PUM3: variants seen among roughly 807,000 people sequenced by gnomAD.
PUM3 encodes the protein pumilio homolog 3.
Under a neutral mutation model 84.0 loss-of-function variants are expected in PUM3, and 91 were observed. The observed-to-expected ratio is 1.08, with a 90% CI of 0.91 to 1.29. PUM3 has a LOEUF of 1.29. PUM3 is among the 50% of genes most tolerant of loss of function. The pLI, the probability that PUM3 is intolerant of heterozygous loss-of-function variation, is 0.00. For synonymous variants in PUM3, 321 were observed against 266.7 expected, an observed-to-expected ratio of 1.20 and a Z score of -1.98; for missense variants, 1,067 against 767.5, an observed-to-expected ratio of 1.39 and a Z score of -4.61.
chr9:2,830,070 G>T, intron 7 of PUM3, 122 bp from the exon 8 acceptor site: 1 of 765,858 alleles, frequency 1.3e-6, no homozygotes, highest in Non-Finnish European at 2.1e-6. Flanking sequence ...GAGTAAATGA[G>T]CTAGCATGCA....
chr9:2,828,491 A>G (rs2129854806), intron 9 of PUM3, 184 bp downstream of exon 9: 1 of 550,462 alleles, frequency 1.8e-6, no homozygotes, highest in Non-Finnish European at 3.2e-6. Flanking sequence ...ATAGGGTACA[A>G]TATCAGAAAA....
intron 13 of PUM3, among the ~76,000 whole-genome samples, chr9:2,813,212 A>C (rs1213587497): frequency 6.6e-6 from 1 of 152,228 alleles, no homozygotes; most frequent in Non-Finnish European, 1.5e-5. Flanking sequence ...GGACAAAAGC[A>C]ACGTCATCCC....
intron 13 of PUM3, among the ~76,000 whole-genome samples, chr9:2,819,608 T>G (rs540913147): frequency 1.3e-5 from 2 of 152,296 alleles, no homozygotes; most frequent in African/African-American, 4.8e-5. Context: ...GGGAGAGAGA[T>G]AATTTAATAG....
chr9:2,838,065 CA>C (rs1308882298), intron 2 of PUM3, among the ~76,000 whole-genome samples: 2 of 152,118 alleles, frequency 1.3e-5, no homozygotes, highest in African/African-American at 4.8e-5. Flanking sequence ...ATAATAAAGA[CA>C]TCACCATTAT....
chr9:2,807,783 C>T (rs1164220253), intron 17 of PUM3, 31 bp downstream of exon 17: 1 of 1,415,910 alleles, frequency 7.1e-7, no homozygotes, highest in East Asian at 2.3e-5. Context: ...TGACCAGGCC[C>T]TGCTCAGAGA....
intron 1 of PUM3, among the ~76,000 whole-genome samples, chr9:2,839,480 A>G (rs1816213040): frequency 6.6e-6 from 1 of 152,246 alleles, no homozygotes. Context: ...AGCCCGTAAG[A>G]AAAGGCTTTT....
chr9:2,828,592 T>C (rs1348636214), intron 9 of PUM3, 83 bp downstream of exon 9: 3 of 805,936 alleles, frequency 3.7e-6, no homozygotes, highest in African/African-American at 1.7e-5. Context: ...AGGAAATAGC[T>C]ACCTCTTCTG....
Position 2,812,156 on chromosome 9 carries a change from G to C in PUM3, c.1412+64C>G, listed in dbSNP as rs1444472071. The C allele has an allele frequency of 7.8e-6, 11 of 1,404,814 alleles. No individual in the cohort carries two copies. In the East Asian group the frequency reaches 1.6e-4, roughly 20 times the overall value. The allele number at this position is 1,404,814 out of a possible 1,614,324, so 87.0% of individuals were successfully genotyped here. On this transcript the variant is annotated intron_variant, in intron 14 of 17. Coordinates refer to ENST00000397885, the MANE Select transcript of PUM3 (RefSeq NM_014878.5). Reference sequence around the variant, plus strand: ...GTATGGATGGGTAAGTGGACTTCTGGAAGAATGCACTACTCAACATTAACA... The same window carrying C: ...GTATGGATGGGTAAGTGGACTTCTGCAAGAATGCACTACTCAACATTAACA...
At chr9:2,817,442 G>C (rs1430868308) in intron 13 of PUM3, among the ~76,000 whole-genome samples, 1 of 152,014 alleles carries the variant, frequency 6.6e-6, no homozygotes. Context: ...ACCCCACAAA[G>C]GCTAAAATAA....
At chr9:2,811,638 G>C (rs1203131831) in intron 14 of PUM3, 55 bp from the exon 15 acceptor site, 1 of 1,338,336 alleles carries the variant, frequency 7.5e-7, no homozygotes, top group Non-Finnish European at 1.1e-6. Flanking sequence ...AAGGAAATGT[G>C]GTGATATTAT....
intron 7 of PUM3, among the ~76,000 whole-genome samples, chr9:2,830,616 G>A: frequency 6.6e-6 from 1 of 152,102 alleles, no homozygotes; most frequent in Non-Finnish European, 1.5e-5. Context: ...TACAATACCA[G>A]TCTACTTCAA....
At chr9:2,828,869 G>C (rs976964251) in intron 8 of PUM3, 91 bp from the exon 9 acceptor site, 1 of 772,862 alleles carries the variant, frequency 1.3e-6, no homozygotes, top group African/African-American at 1.8e-5. Flanking sequence ...TTTAAAATAA[G>C]TTTTAACAAA....
intron 1 of PUM3, among the ~76,000 whole-genome samples, chr9:2,842,037 T>C (rs1234517962): frequency 2.0e-5 from 3 of 152,214 alleles, no homozygotes; most frequent in Non-Finnish European, 2.9e-5. Context: ...GATTAGGTTT[T>C]CACTCCTGTT....
intron 3 of PUM3, among the ~76,000 whole-genome samples, chr9:2,835,172 G>A (rs941625088): frequency 2.0e-5 from 3 of 152,316 alleles, no homozygotes; most frequent in Middle Eastern, 6.8e-3. Context: ...TAGCACTTTG[G>A]AAGGCTGAAG....
chr9:2,836,449 A>G (rs1344561178), intron 3 of PUM3, among the ~76,000 whole-genome samples: 1 of 152,222 alleles, frequency 6.6e-6, no homozygotes, highest in African/African-American at 2.4e-5. Flanking sequence ...TAGAGAGCAA[A>G]GTTCTGGGTT....
chr9:2,837,028 A>G (rs959502734), intron 3 of PUM3, 152 bp downstream of exon 3: 12 of 669,090 alleles, frequency 1.8e-5, no homozygotes, highest in Admixed American at 5.3e-5. Context: ...AATTGTGAGC[A>G]TGAAAGATGC....
intron 11 of PUM3, 75 bp from the exon 12 acceptor site, chr9:2,823,909 T>A: frequency 1.4e-6 from 1 of 702,744 alleles, no homozygotes; most frequent in South Asian, 2.2e-5. Flanking sequence ...CATTTTAATA[T>A]AATATTTATT....
At chr9:2,834,287 G>A (rs368144600) in intron 3 of PUM3, 121 bp from the exon 4 acceptor site, 7 of 786,000 alleles carry the variant, frequency 8.9e-6, no homozygotes, top group East Asian at 8.1e-5. Context: ...AAGCTAAAAA[G>A]GGGAACATAC....
chr9:2,836,917 T>C (rs1816137323), intron 3 of PUM3, among the ~76,000 whole-genome samples: 1 of 152,180 alleles, frequency 6.6e-6, no homozygotes, highest in African/African-American at 2.4e-5. Context: ...AATGTTTTAT[T>C]GAGGTTCCAC....
Sources: allele counts gnomAD v4.1 joint callset (sites outside exome capture counted in the v4.1 genomes callset), GRCh38; gene constraint gnomAD v4.1.1; transcripts MANE v1.5; gene names NCBI Gene and HGNC (gene_info 2026-07-23, HGNC 2026-07-21).